ENOX1: variants seen among roughly 807,000 people sequenced by gnomAD.
The protein encoded by ENOX1 is candidate growth-related and time keeping constitutive hydroquinone (NADH) oxidase.
Under a neutral mutation model 82.5 loss-of-function variants are expected in ENOX1, and 42 were observed. The ratio of observed to expected loss-of-function variants is 0.51; its 90% CI spans 0.40 to 0.66. ENOX1 has a LOEUF of 0.66. Ranked by LOEUF, ENOX1 falls within the 30% of genes least tolerant of loss-of-function variation. The pLI, the probability that ENOX1 is intolerant of heterozygous loss-of-function variation, is 0.00. For missense variants in ENOX1, 608 were observed against 811.6 expected (o/e 0.75, Z 3.05); for synonymous variants, 271 against 282.2 (o/e 0.96, Z 0.40).
intron 2 of ENOX1, among the ~76,000 whole-genome samples, chr13:43,635,776 G>A (rs1169797105): frequency 6.6e-6 from 1 of 152,154 alleles, no homozygotes; most frequent in Non-Finnish European, 1.5e-5. Flanking sequence ...GAGAGAGAGA[G>A]AGCGAGCGAG....
intron 5 of ENOX1, among the ~76,000 whole-genome samples, chr13:43,410,135 T>C (rs2054035304): frequency 6.6e-6 from 1 of 152,110 alleles, no homozygotes; most frequent in South Asian, 2.1e-4. Context: ...AGACTCAAAA[T>C]TACAAGAAAA....
intron 2 of ENOX1, among the ~76,000 whole-genome samples, chr13:43,485,253 C>A (rs994061494): frequency 2.0e-5 from 3 of 152,114 alleles, no homozygotes; most frequent in Non-Finnish European, 4.4e-5. Flanking sequence ...TGCAACTTAC[C>A]CACCACCAGC....
chr13:43,782,025 A>G (rs1288890802), intron 1 of ENOX1, among the ~76,000 whole-genome samples: 1 of 152,220 alleles, frequency 6.6e-6, no homozygotes, highest in Non-Finnish European at 1.5e-5. Context: ...AAGCTGACAT[A>G]AGAAAATTGA....
chr13:43,624,205 T>C (rs955963931), intron 2 of ENOX1, among the ~76,000 whole-genome samples: 1 of 152,226 alleles, frequency 6.6e-6, no homozygotes, highest in Non-Finnish European at 1.5e-5. Context: ...AATAGGCTTA[T>C]TGGCCATCTC....
At chr13:43,255,661 A>C (rs998050686) in intron 14 of ENOX1, among the ~76,000 whole-genome samples, 4 of 152,146 alleles carry the variant, frequency 2.6e-5, no homozygotes, top group African/African-American at 7.2e-5. Context: ...AAATCAAGAA[A>C]ACTCATTTAC....
Position 43,719,302 on chromosome 13 carries a change from TACACACACACAC to T in ENOX1, c.-284-51770_-284-51759del, listed in dbSNP as rs3024232. 1.4e-3 allele frequency among the ~76,000 whole-genome samples: 172 copies of T among 126,778 alleles called. 2 individuals are homozygous for T. Among genetic ancestry groups the T allele is most frequent in the Admixed American group, 2.5e-3 (30 of 12,024 alleles). 83.2% of individuals were successfully genotyped at this position (126,778 alleles called of 152,430 possible). On this transcript the variant is annotated intron_variant, in intron 1 of 16. Transcript: ENST00000690772. ...AGTACTCCATATATATTCATTCAAA[TACACACACACAC>T]ACACACACACACACACACACACACA... is the stretch of plus-strand genomic sequence containing the variant.
chr13:43,310,960 TAATGACC>T (rs917169266), intron 11 of ENOX1, among the ~76,000 whole-genome samples: 2 of 151,820 alleles, frequency 1.3e-5, no homozygotes, highest in African/African-American at 4.8e-5. Flanking sequence ...CCCCACATTT[TAATGACC>T]TGAAAGAACA....
chr13:43,593,432 TTTG>T (rs2153726539), intron 2 of ENOX1, among the ~76,000 whole-genome samples: 1 of 152,078 alleles, frequency 6.6e-6, no homozygotes, highest in East Asian at 1.9e-4. Flanking sequence ...CTCCTCCAGC[TTTG>T]TTTTCTTGGT....
At chr13:43,455,255 C>G (rs953552714) in intron 3 of ENOX1, among the ~76,000 whole-genome samples, 1 of 152,130 alleles carries the variant, frequency 6.6e-6, no homozygotes, top group Non-Finnish European at 1.5e-5. Flanking sequence ...ACTTCATTGT[C>G]TTCTAGCTTC....
chr13:43,507,745 G>T (rs150615764), intron 2 of ENOX1, among the ~76,000 whole-genome samples: 1 of 151,948 alleles, frequency 6.6e-6, no homozygotes, highest in African/African-American at 2.4e-5. Flanking sequence ...GACAGAGGGA[G>T]GTATCTAGGA....
At chr13:43,630,870 C>CACACACACACACATATATAT (rs1387775358) in intron 2 of ENOX1, among the ~76,000 whole-genome samples, 3 of 151,204 alleles carry the variant, frequency 2.0e-5, no homozygotes, top group Non-Finnish European at 4.4e-5. Flanking sequence ...TACACACACA[C>CACACACACACACATATATAT]ACACATATAT....
chr13:43,236,112 G>C (rs1222647044), intron 15 of ENOX1, among the ~76,000 whole-genome samples: 2 of 152,178 alleles, frequency 1.3e-5, no homozygotes, highest in East Asian at 3.9e-4. Flanking sequence ...TGGACAAAAG[G>C]ATCCATACTT....
At chr13:43,421,910 T>C (rs962927407) in intron 3 of ENOX1, among the ~76,000 whole-genome samples, 2 of 148,244 alleles carry the variant, frequency 1.3e-5, no homozygotes, top group African/African-American at 5.0e-5. Flanking sequence ...TAATTTCAAA[T>C]GAATTCATGC....
intron 2 of ENOX1, among the ~76,000 whole-genome samples, chr13:43,562,483 C>T (rs903576163): frequency 6.6e-6 from 1 of 151,966 alleles, no homozygotes; most frequent in Non-Finnish European, 1.5e-5. Flanking sequence ...CACAGAACAA[C>T]CAGAAAACAA....
chr13:43,285,346 G>C (rs2045632522), intron 12 of ENOX1, among the ~76,000 whole-genome samples: 1 of 152,086 alleles, frequency 6.6e-6, no homozygotes, highest in Admixed American at 6.5e-5. Flanking sequence ...GTAAATGTTA[G>C]CAATAGTTAT....
chr13:43,572,545 C>T (rs184319380), intron 2 of ENOX1, among the ~76,000 whole-genome samples: 107 of 152,312 alleles, frequency 7.0e-4, no homozygotes, highest in Non-Finnish European at 1.2e-3. Context: ...TCAGCTGATT[C>T]ATCAGTGAAC....
chr13:43,348,053 T>G lies in ENOX1; in HGVS notation c.824-3303A>C, dbSNP rs562426371. 3.3e-5 allele frequency among the ~76,000 whole-genome samples: 5 copies of G among 152,316 alleles called. No homozygotes were observed. The East Asian group carries it at 9.6e-4, about 29-fold the overall frequency. On this transcript the variant is annotated intron_variant, in intron 8 of 16. Transcript: ENST00000690772. ...CCCCGCTTCCTTTGCCAGAGCCCTC[T>G]TTGTTAAACAGCACGGCGTGCCTCC...
At chr13:43,428,118 C>T (rs78592224) in intron 3 of ENOX1, among the ~76,000 whole-genome samples, 1,600 of 152,234 alleles carry the variant, frequency 0.011, 24 homozygotes, top group African/African-American at 0.037. Flanking sequence ...CTCAAACTCT[C>T]GACTTCAGTT....
rs556753049 is a variant in ENOX1 at position 43,663,326 on chromosome 13, A to G, written c.-219+4153T>C. On this transcript the variant is annotated intron_variant, in intron 2 of 16. Transcript: ENST00000690772. ...CCTATAGAGTCTCATCCAGCCCTAT[A>G]TCCCTCTTCACACTTTATGCTCCAG... Among the ~76,000 whole-genome samples, 203 of 152,240 alleles carry G rather than the reference A, an allele frequency of 1.3e-3. 1 individual carries two copies. The highest frequency in any genetic ancestry group is 2.3e-3 in the Non-Finnish European group (158 of 68,016).
Sources: allele counts gnomAD v4.1 joint callset (sites outside exome capture counted in the v4.1 genomes callset), GRCh38; gene constraint gnomAD v4.1.1; transcripts MANE v1.5; gene names NCBI Gene and HGNC (gene_info 2026-07-23, HGNC 2026-07-21).